G6PD: variants seen among roughly 807,000 people sequenced by gnomAD.
The protein encoded by G6PD is glucose-6-phosphate 1-dehydrogenase.
G6PD carries 2 observed loss-of-function variants against 38.2 expected under a neutral mutation model. The observed-to-expected ratio is 0.05, with a 90% CI of 0.02 to 0.16. The LOEUF (loss-of-function observed/expected upper bound fraction) is 0.16. G6PD is among the 10% of genes least tolerant of loss of function. The pLI is 1.00. For missense variants in G6PD, 310 were observed against 471.6 expected, an observed-to-expected ratio of 0.66 and a Z score of 3.17; for synonymous variants, 188 against 196.0, an observed-to-expected ratio of 0.96 and a Z score of 0.34.
Position 154,531,655 on chromosome X carries a change from C to A in G6PD, c.*345G>T. The A allele has an allele frequency of 3.9e-6, 1 of 259,275 alleles. No homozygotes were observed. The highest frequency in any genetic ancestry group is 2.7e-5 in the African/African-American group (1 of 36,505). 21.4% of individuals were successfully genotyped at this position (259,275 alleles called of 1,213,427 possible). A position where few individuals can be genotyped will look rare whatever the true frequency, so the allele number is the denominator to read the frequency against. On this transcript the variant is annotated 3_prime_UTR_variant, in exon 13 of 13. Transcript: ENST00000393562. ...CTTTCCTCCCCCTCGTCCCTCCCTC[C>A]CACCCTGGCCCCACTCAGGAGTGAG... is the stretch of plus-strand genomic sequence containing the variant.
At chrX:154,546,967 C>T, upstream of G6PD, 1 of 318,157 alleles carries the variant, frequency 3.1e-6, no homozygotes, top group Admixed American at 7.1e-5. Flanking sequence ...CTCGTGCGGG[C>T]GGGGCGGGGC....
chrX:154,544,828 G>C (rs782409202), intron 2 of G6PD, among the ~76,000 whole-genome samples: 14 of 112,399 alleles, frequency 1.2e-4, no homozygotes, highest in African/African-American at 4.2e-4. Flanking sequence ...CAAGGAGTAG[G>C]TTTGACAAAG....
At chrX:154,532,829 C>T (rs1338442264) in intron 9 of G6PD, 27 bp from the exon 10 acceptor site, 4 of 1,205,581 alleles carry the variant, frequency 3.3e-6, no homozygotes, top group Non-Finnish European at 4.5e-6. Flanking sequence ...GCAGCCTCAG[C>T]ACCAGCTCTC....
intron 5 of G6PD, 97 bp from the exon 6 acceptor site, chrX:154,534,593 G>A (rs2070384845): frequency 9.5e-7 from 1 of 1,052,079 alleles, no homozygotes; most frequent in African/African-American, 1.8e-5. Flanking sequence ...GGGGAGTAGA[G>A]GCCAGAACCT....
Position 154,532,399 on chromosome X carries a change from G to A in G6PD, c.1351C>T (p.His451Tyr). The A allele has an allele frequency of 8.3e-7, 1 of 1,211,897 alleles. No individual in the cohort carries two copies. Among genetic ancestry groups the A allele is most frequent in the South Asian group, 1.8e-5 (1 of 57,063 alleles). Reference sequence around the variant, plus strand: ...GCTGGGCCTCACCTGCGCACGAAGTGCATCTGGCTCCCGCAGAAGACGTCC... The same window carrying A: ...GCTGGGCCTCACCTGCGCACGAAGTACATCTGGCTCCCGCAGAAGACGTCC... ...ILDVFCGSQM[H>Y]FVRSDELREA... Residue 451 changes from histidine (H) to tyrosine (Y), a missense_variant, in exon 11 of 13, where the codon CAC (histidine) becomes TAC (tyrosine). By Grantham distance (83) the His-to-Tyr change is moderately conservative. This residue lies in a region of G6PD where 168 missense variants were observed against 309.2 expected (regional missense o/e 0.54). Coordinates refer to ENST00000393562, the MANE Select transcript of G6PD (RefSeq NM_001360016.2).
chrX:154,535,717 G>T, intron 4 of G6PD: 2 of 458,978 alleles, frequency 4.4e-6, no homozygotes, highest in Non-Finnish European at 7.7e-6. Flanking sequence ...AACTATGATT[G>T]GCGGAGAAAA....
intron 2 of G6PD, among the ~76,000 whole-genome samples, chrX:154,539,497 C>T (rs782627399): frequency 8.8e-4 from 98 of 110,938 alleles, no homozygotes; most frequent in African/African-American, 3.1e-3. Context: ...TTAAGATTTG[C>T]GCACCAACAA....
intron 2 of G6PD, among the ~76,000 whole-genome samples, chrX:154,539,943 A>T (rs1032142907): frequency 9.1e-6 from 1 of 109,831 alleles, no homozygotes; most frequent in Non-Finnish European, 1.9e-5. Context: ...GGCTGGCCTC[A>T]AACTCCTGAC....
At position 154,535,871 on chromosome X, in the gene G6PD, G is replaced by A. The variant is rs782500951; in HGVS notation, c.267+66C>T. ...GATGGGATGGGGGGAGGTCCCCGAA[G>A]CTGGCCATGCTGGGGGCTGGTAGAG... is the stretch of plus-strand genomic sequence containing the variant. On this transcript the variant is annotated intron_variant, in intron 4 of 12. Coordinates refer to ENST00000393562, the MANE Select transcript of G6PD (RefSeq NM_001360016.2). 1.3e-5 allele frequency: 12 copies of A among 940,919 alleles called. No individual in the cohort carries two copies. The African/African-American group carries it at 1.5e-4, about 12-fold the overall frequency. 77.5% of individuals were successfully genotyped at this position (940,919 alleles called of 1,213,427 possible). A position where few individuals can be genotyped will look rare whatever the true frequency, so the allele number is the denominator to read the frequency against.
chrX:154,545,271 T>C (rs916665770), intron 2 of G6PD, among the ~76,000 whole-genome samples: 5 of 111,561 alleles, frequency 4.5e-5, no homozygotes, highest in Non-Finnish European at 9.4e-5. Context: ...GCAGAGCTCC[T>C]TGGTAGGCTT....
rs781793142 is a variant in G6PD, at chrX:154,532,476, A to T, written c.1288-14T>A. ...GAGCTTCACGTTCTGTGAGGGAGAG[A>T]GTGTCTTGCTGATGCCACTGCCTGC... On this transcript the variant is annotated splice_polypyrimidine_tract_variant and intron_variant, in intron 10 of 12. Coordinates refer to ENST00000393562, the MANE Select transcript of G6PD (RefSeq NM_001360016.2). 43 of 1,208,646 alleles carry T rather than the reference A, an allele frequency of 3.6e-5. No homozygotes were observed. In the Middle Eastern group the frequency reaches 3.9e-3, roughly 109 times the overall value.
chrX:154,534,556 G>A, intron 5 of G6PD, 60 bp from the exon 6 acceptor site: 2 of 1,187,108 alleles, frequency 1.7e-6, no homozygotes, highest in South Asian at 1.8e-5. Context: ...GTGAGGATCA[G>A]AGCTGCATCA....
intron 2 of G6PD, among the ~76,000 whole-genome samples, chrX:154,539,420 C>T (rs1424912195): frequency 1.2e-4 from 13 of 112,005 alleles, no homozygotes; most frequent in African/African-American, 4.2e-4. Flanking sequence ...GGAATGGGTA[C>T]CCAGGAACTT....
intron 2 of G6PD, among the ~76,000 whole-genome samples, chrX:154,537,221 C>G (rs1483289965): frequency 4.5e-5 from 5 of 112,269 alleles, no homozygotes; most frequent in Non-Finnish European, 7.5e-5. Flanking sequence ...AGGAGAATCA[C>G]TTGAACCCGG....
intron 2 of G6PD, among the ~76,000 whole-genome samples, chrX:154,541,796 G>A (rs1298446309): frequency 1.8e-5 from 2 of 112,695 alleles, no homozygotes; most frequent in African/African-American, 6.5e-5. Context: ...CCAGGGCAAA[G>A]GGACCTGGGC....
rs782573308 is a variant in G6PD, at chrX:154,545,985, A to T, written c.120+51T>A. On this transcript the variant is annotated intron_variant, in intron 2 of 12. Transcript: ENST00000393562. ...AACAATTAGTTGGAAAAGCTGAGGC[A>T]TGGAGCAGGCACTTCCTGGCTTTTA... The T allele has an allele frequency of 2.5e-6, 3 of 1,203,668 alleles. No homozygotes were observed. In the East Asian group the frequency reaches 8.9e-5, roughly 36 times the overall value.
At chrX:154,533,949 C>A (rs940494777) in intron 7 of G6PD, 86 bp downstream of exon 7, 1 of 1,204,099 alleles carries the variant, frequency 8.3e-7, no homozygotes, top group Non-Finnish European at 1.1e-6. Flanking sequence ...AGGAGGAGCT[C>A]CCCCAAGATA....
chrX:154,533,517 C>G (rs1438368903), intron 8 of G6PD, 59 bp downstream of exon 8: 3 of 1,187,371 alleles, frequency 2.5e-6, no homozygotes, highest in Non-Finnish European at 3.4e-6. Flanking sequence ...AGCTCAGTGC[C>G]TCGTCACAGA....
rs2070354328 is a variant in G6PD at position 154,532,730 on chromosome X, T to C, written c.1124A>G (p.Asp375Gly). The change falls in exon 10 of 13, where the codon GAT becomes GGT. Residue 375 changes from aspartate to glycine, a missense_variant. Asp to Gly is a moderately conservative substitution (Grantham distance 94, BLOSUM62 -1). Transcript: ENST00000393562. ...RKAEVRLQFH[D>G]VAGDIFHQQC... ...CTGGTGGAAGATGTCGCCGGCCACATCATGGAACTGCAGCCTCACCTCGGC... is the reference window on the plus strand; with the variant it reads ...CTGGTGGAAGATGTCGCCGGCCACACCATGGAACTGCAGCCTCACCTCGGC... The C allele has an allele frequency of 1.7e-6, 2 of 1,212,020 alleles. No individual in the cohort carries two copies. Among genetic ancestry groups the C allele is most frequent in the Non-Finnish European group, 2.2e-6 (2 of 895,501 alleles).
Sources: allele counts gnomAD v4.1 joint callset (sites outside exome capture counted in the v4.1 genomes callset), GRCh38; gene constraint gnomAD v4.1.1; regional missense constraint gnomAD v4.1.1; transcripts MANE v1.5; gene names NCBI Gene and HGNC (gene_info 2026-07-23, HGNC 2026-07-21).